Variants in WAC observed in about 807,000 individuals in gnomAD.
WAC encodes WW domain containing adaptor with coiled-coil.
WAC carries 11 observed loss-of-function variants against 79.6 expected under a neutral mutation model. The ratio of observed to expected loss-of-function variants is 0.14; its 90% CI spans 0.09 to 0.23. WAC has a LOEUF of 0.23. Ranked by LOEUF, WAC falls within the 10% of genes least tolerant of loss-of-function variation. The probability of loss-of-function intolerance (pLI) is 1.00; values close to 1 mark genes in which losing one functional copy is unlikely to be tolerated. For missense variants in WAC, 728 were observed against 773.5 expected (o/e 0.94, Z 0.70); for synonymous variants, 304 against 276.9 (o/e 1.10, Z -0.97).
At chr10:28,588,478 C>T (rs943557854) in intron 4 of WAC, among the ~76,000 whole-genome samples, 2 of 152,108 alleles carry the variant, frequency 1.3e-5, no homozygotes, top group Non-Finnish European at 2.9e-5. Flanking sequence ...AAATAATAGG[C>T]ATTTGGAAAC....
chr10:28,579,733 A>G (rs1215654804), intron 3 of WAC, among the ~76,000 whole-genome samples: 2 of 152,154 alleles, frequency 1.3e-5, no homozygotes, highest in African/African-American at 2.4e-5. Context: ...TTGGAAAGAG[A>G]TACACGGAGA....
chr10:28,589,737 C>T lies in WAC; in HGVS notation c.383C>T (p.Pro128Leu). The change falls in exon 5 of 14, where the codon CCT becomes CTT. Residue 128 changes from proline (P) to leucine (L), a missense_variant and splice_region_variant. Physicochemically the swap from Pro to Leu is moderately conservative, Grantham distance 98 (BLOSUM62 -3). This residue lies in a region of WAC where 648 missense variants were observed against 661.5 expected (regional missense o/e 0.98). Coordinates refer to ENST00000354911, the MANE Select transcript of WAC (RefSeq NM_016628.5). ...AATTGTAAAAAATATATTTTTAAGCCTTATGATTCTGCAGATGACTGGTCT... is the reference window on the plus strand; with the variant it reads ...AATTGTAAAAAATATATTTTTAAGCTTTATGATTCTGCAGATGACTGGTCT... ...SNNPSKTSDA[P>L]YDSADDWSEH... 2 of 1,583,942 alleles carry T rather than the reference C, an allele frequency of 1.3e-6. No homozygotes were observed. Among genetic ancestry groups the T allele is most frequent in the Admixed American group, 1.7e-5 (1 of 57,548 alleles).
rs534712487 is a variant in WAC at position 28,585,172 on chromosome 10, C to G, written c.381+1667C>G. Reference sequence around the variant, plus strand: ...CAAAGGAACCCTCAGGTAACACATACAGTAATCACCACTCAAGGCTATTGA... The same window carrying G: ...CAAAGGAACCCTCAGGTAACACATAGAGTAATCACCACTCAAGGCTATTGA... On this transcript the variant is annotated intron_variant, in intron 4 of 13. Coordinates refer to ENST00000354911, the MANE Select transcript of WAC (RefSeq NM_016628.5). Among the ~76,000 whole-genome samples the G allele has an allele frequency of 3.4e-4, 52 of 152,236 alleles. No homozygotes were observed. In the East Asian group the frequency reaches 6.8e-3, roughly 20 times the overall value.
intron 3 of WAC, among the ~76,000 whole-genome samples, chr10:28,571,378 G>A (rs556018782): frequency 6.6e-6 from 1 of 152,250 alleles, no homozygotes; most frequent in South Asian, 2.1e-4. Flanking sequence ...TAGTATCCAA[G>A]GCCCCTTAGT....
chr10:28,554,743 A>G (rs555844431), intron 3 of WAC, among the ~76,000 whole-genome samples: 1 of 151,980 alleles, frequency 6.6e-6, no homozygotes, highest in South Asian at 2.1e-4. Context: ...ACAGTGGCCA[A>G]CTCCTATGTC....
At chr10:28,540,348 A>AGCTT (rs1295045971) in intron 3 of WAC, among the ~76,000 whole-genome samples, 5 of 152,186 alleles carry the variant, frequency 3.3e-5, no homozygotes, top group Non-Finnish European at 4.4e-5. Context: ...GGGTATTGAA[A>AGCTT]GCTTATTTGG....
intron 7 of WAC, among the ~76,000 whole-genome samples, chr10:28,598,460 C>T (rs777840245): frequency 6.6e-6 from 1 of 152,146 alleles, no homozygotes; most frequent in Non-Finnish European, 1.5e-5. Flanking sequence ...TCAGTTTTTT[C>T]ACTTAGATTA....
At chr10:28,586,871 T>A (rs1050232986) in intron 4 of WAC, among the ~76,000 whole-genome samples, 1 of 152,224 alleles carries the variant, frequency 6.6e-6, no homozygotes, top group Non-Finnish European at 1.5e-5. Context: ...CCAATTTTGA[T>A]TTGCTGGGAT....
intron 7 of WAC, among the ~76,000 whole-genome samples, chr10:28,596,327 T>C (rs915123431): frequency 1.3e-5 from 2 of 152,228 alleles, no homozygotes; most frequent in Non-Finnish European, 2.9e-5. Flanking sequence ...AGTAACTGTC[T>C]CTTCAATTTT....
intron 6 of WAC, 29 bp downstream of exon 6, chr10:28,590,861 G>A (rs1442014981): frequency 2.0e-6 from 3 of 1,525,818 alleles, no homozygotes; most frequent in East Asian, 2.3e-5. Flanking sequence ...TCTTTGAAAT[G>A]TATGTTTGAC....
intron 7 of WAC, among the ~76,000 whole-genome samples, chr10:28,606,827 G>T (rs1047025476): frequency 6.6e-6 from 1 of 152,144 alleles, no homozygotes; most frequent in African/African-American, 2.4e-5. Context: ...TGTAGTGTTC[G>T]TATCTTCAAC....
At chr10:28,582,140 C>G (rs966269048) in intron 3 of WAC, among the ~76,000 whole-genome samples, 18 of 152,190 alleles carry the variant, frequency 1.2e-4, no homozygotes, top group African/African-American at 4.1e-4. Context: ...TATAAGCAGA[C>G]CCTTATCTGA....
chr10:28,575,784 C>T (rs1267617186), intron 3 of WAC, among the ~76,000 whole-genome samples: 1 of 152,142 alleles, frequency 6.6e-6, no homozygotes, highest in Non-Finnish European at 1.5e-5. Flanking sequence ...CTGGTAGTGT[C>T]TTTTCAAACA....
In WAC at chr10:28,616,230, A is replaced by C. The variant is rs370423832; in HGVS notation, c.1614A>C (p.Ser538=). The change falls in exon 12 of 14, where the codon TCA becomes TCC. Residue 538 remains serine (S), a synonymous_variant. Transcript: ENST00000354911. ...PNHTSNSSNA[S]NATVVPQNSS... is the part of the protein sequence containing the mutation. Reference sequence around the variant, plus strand: ...ATACTTCTAATAGTAGTAATGCATCAAATGCAACAGTTGTACCACAGAATT... The same window carrying C: ...ATACTTCTAATAGTAGTAATGCATCCAATGCAACAGTTGTACCACAGAATT... 2.6e-5 allele frequency: 42 copies of C among 1,613,712 alleles called. No individual in the cohort carries two copies. Among genetic ancestry groups the C allele is most frequent in the Non-Finnish European group, 3.5e-5 (41 of 1,179,862 alleles).
At chr10:28,571,848 G>A (rs186938916) in intron 3 of WAC, among the ~76,000 whole-genome samples, 20 of 152,202 alleles carry the variant, frequency 1.3e-4, no homozygotes, top group African/African-American at 3.6e-4. Flanking sequence ...GCTTGGAAAA[G>A]GGATAATACT....
intron 3 of WAC, among the ~76,000 whole-genome samples, chr10:28,558,738 T>C (rs1180695398): frequency 6.6e-6 from 1 of 152,202 alleles, no homozygotes; most frequent in African/African-American, 2.4e-5. Flanking sequence ...TAAAGTCTGG[T>C]GCACTCAAGA....
chr10:28,548,482 T>G (rs568119410), intron 3 of WAC, among the ~76,000 whole-genome samples: 1 of 152,216 alleles, frequency 6.6e-6, no homozygotes, highest in Non-Finnish European at 1.5e-5. Context: ...CTTGGCATCT[T>G]CTTTCAACCC....
intron 12 of WAC, 131 bp downstream of exon 12, chr10:28,616,493 C>A (rs1841473586): frequency 2.5e-6 from 2 of 812,878 alleles, no homozygotes; most frequent in South Asian, 6.4e-5. Context: ...ACTTTGTAGT[C>A]ATTTAAAAAA....
chr10:28,575,916 C>A (rs563133827), intron 3 of WAC, among the ~76,000 whole-genome samples: 3 of 152,238 alleles, frequency 2.0e-5, no homozygotes, highest in African/African-American at 7.2e-5. Flanking sequence ...TTTTACTGTA[C>A]CTTTTCTATG....
Sources: gnomAD v4.1 joint callset for allele counts (sites outside exome capture counted in the v4.1 genomes callset) on GRCh38, gnomAD v4.1.1 for gene constraint, gnomAD v4.1.1 regional missense constraint, MANE v1.5 for transcripts, NCBI Gene and HGNC (gene_info 2026-07-23, HGNC 2026-07-21) for gene names.